Variants in AKR1C1 observed in about 807,000 individuals in gnomAD.
AKR1C1 encodes the protein aldo-keto reductase family 1 member C1.
Under a neutral mutation model 40.6 loss-of-function variants are expected in AKR1C1, and 32 were observed. The observed-to-expected ratio is 0.79, with a 90% confidence interval of 0.60 to 1.06. The LOEUF (loss-of-function observed/expected upper bound fraction) is 1.06, where lower values mean the gene tolerates loss of function less well. Among genes scored for constraint, AKR1C1 ranks in the 50% least tolerant of loss-of-function variants. AKR1C1 has a pLI of 0.00. For synonymous variants in AKR1C1, 105 were observed against 134.2 expected (o/e 0.78, Z 1.50); for missense variants, 320 against 363.5 (o/e 0.88, Z 0.97).
intron 8 of AKR1C1, among the ~76,000 whole-genome samples, chr10:4,977,337 C>T (rs1836542147): frequency 6.6e-6 from 1 of 152,122 alleles, no homozygotes; most frequent in Non-Finnish European, 1.5e-5. Context: ...GAGCATATGT[C>T]TTGCTTATTC....
Position 4,966,978 on chromosome 10 carries a change from T to A in AKR1C1, c.304T>A (p.Ser102Thr), listed in dbSNP as rs531014284. ...PELVRPALERSLKNLQLDYVD... is the reference protein window; with the variant it reads ...PELVRPALERTLKNLQLDYVD... ...GTTGGTCCGACCAGCCTTGGAAAGGTCACTGAAAAATCTTCAATTGGATTA... is the reference window on the plus strand; with the variant it reads ...GTTGGTCCGACCAGCCTTGGAAAGGACACTGAAAAATCTTCAATTGGATTA... The change falls in exon 3 of 9, where the codon TCA becomes ACA. Residue 102 changes from serine to threonine, a missense_variant. Physicochemically the swap from Ser to Thr is moderately conservative, Grantham distance 58. Coordinates refer to ENST00000380872, the MANE Select transcript of AKR1C1 (RefSeq NM_001353.6). 3 of 1,613,920 alleles carry A rather than the reference T, an allele frequency of 1.9e-6. No homozygotes were observed. The highest frequency in any genetic ancestry group is 2.2e-5 in the South Asian group (2 of 91,072).
At chr10:4,973,669 A>T (rs1836475637) in intron 7 of AKR1C1, among the ~76,000 whole-genome samples, 2 of 152,190 alleles carry the variant, frequency 1.3e-5, no homozygotes, top group Non-Finnish European at 2.9e-5. Context: ...GGAGCTGGAA[A>T]TTCATATAAC....
intron 7 of AKR1C1, among the ~76,000 whole-genome samples, chr10:4,974,130 A>G (rs2131646924): frequency 6.6e-6 from 1 of 151,820 alleles, no homozygotes; most frequent in South Asian, 2.1e-4. Context: ...TATTATTTTA[A>G]AAATATTTTT....
rs1310287798 is a variant in AKR1C1, at chr10:4,979,520, G to C, written c.*1778G>C. The C allele has an allele frequency of 6.6e-6, 1 of 152,088 alleles. No homozygotes were observed. Among genetic ancestry groups the C allele is most frequent in the Non-Finnish European group, 1.5e-5 (1 of 68,040 alleles). 9.4% of individuals were successfully genotyped at this position (152,088 alleles called of 1,614,324 possible). ...CATCTCATAAACTTGACTGATGTAA[G>C]TGTCAAGAAAAGATTGACATTTTGT... is the stretch of plus-strand genomic sequence containing the variant. On this transcript the variant is annotated 3_prime_UTR_variant, in exon 9 of 9. Transcript: ENST00000380872.
rs376821326 is a variant in AKR1C1, at chr10:4,972,232, A to C, written c.602A>C (p.Lys201Thr). Residue 201 changes from lysine (K) to threonine (T), a missense_variant, in exon 6 of 9, where the codon AAA becomes ACA. By Grantham distance (78) the Lys-to-Thr change is moderately conservative. This residue lies in a region of AKR1C1 where 77 missense variants were observed against 125.3 expected (regional missense o/e 0.61). Coordinates refer to ENST00000380872, the MANE Select transcript of AKR1C1 (RefSeq NM_001353.6). ...TGTCATCCTTACTTCAACCAGAGAA[A>C]ACTGCTGGATTTCTGCAAGTCAAAA... Reference protein sequence around the residue: ...VECHPYFNQRKLLDFCKSKDI... With the variant: ...VECHPYFNQRTLLDFCKSKDI... 27 of 1,613,694 alleles carry C rather than the reference A, an allele frequency of 1.7e-5. 1 individual carries two copies. The African/African-American group carries it at 3.5e-4, about 21-fold the overall frequency.
In AKR1C1 at chr10:4,972,737, A is replaced by G. The variant is rs1387403284; in HGVS notation, c.834A>G (p.Arg278=). The G allele has an allele frequency of 3.7e-6, 6 of 1,612,100 alleles. No homozygotes were observed. The highest frequency in any genetic ancestry group is 5.1e-6 in the Non-Finnish European group (6 of 1,179,952). The change falls in exon 7 of 9, where the codon AGA becomes AGG. Residue 278 remains arginine, a synonymous_variant. Transcript: ENST00000380872. ...LAKSYNEQRI[R]QNVQVFEFQL... is the part of the protein sequence containing the mutation. The stretch of plus-strand genomic sequence containing the variant: ...AGAGCTACAATGAGCAGCGCATCAG[A>G]CAGAACGTGCAGGTGAGGAGCGGGG...
rs1836646298 is a variant in AKR1C1 at position 4,983,137 on chromosome 10, A to G, written c.*5395A>G. On this transcript the variant is annotated 3_prime_UTR_variant, in exon 9 of 9. Coordinates refer to ENST00000380872, the MANE Select transcript of AKR1C1 (RefSeq NM_001353.6). ...ATGGAGGCACCCAGACAGATGCCCC[A>G]TGGACATCCTGAAGCAGAGCTGCCT... 4 of 266,424 alleles carry G rather than the reference A, an allele frequency of 1.5e-5. No individual in the cohort carries two copies. Among genetic ancestry groups the G allele is most frequent in the South Asian group, 1.4e-4 (4 of 27,650 alleles). The allele number at this position is 266,424 out of a possible 1,614,324, so 16.5% of individuals were successfully genotyped here.
chr10:4,967,890 G>C (rs1044367351), intron 3 of AKR1C1: 1 of 188,724 alleles, frequency 5.3e-6, no homozygotes, highest in Non-Finnish European at 1.1e-5. Context: ...TTGGTTCATG[G>C]TCCTGTGCAT....
rs749275943 is a variant in AKR1C1 at position 4,966,085 on chromosome 10, C to T, written c.252+4C>T. On this transcript the variant is annotated splice_donor_region_variant and intron_variant, in intron 2 of 8. Transcript: ENST00000380872. ...AGACATATTCTACACTTCAAAGGTA[C>T]TGTGCCTATGATGAGCTTGTGTGCA... is the stretch of plus-strand genomic sequence containing the variant. 21 of 1,610,858 alleles carry T rather than the reference C, an allele frequency of 1.3e-5. No individual in the cohort carries two copies. The highest frequency in any genetic ancestry group is 1.6e-5 in the Non-Finnish European group (19 of 1,178,492).
chr10:4,977,615 C>T (rs1282919242), intron 8 of AKR1C1, 85 bp from the exon 9 acceptor site: 37 of 1,542,528 alleles, frequency 2.4e-5, no homozygotes, highest in Middle Eastern at 1.7e-4. Flanking sequence ...TCTACACTAG[C>T]GGCAGCTTCC....
rs1377683267 is a variant in AKR1C1, at chr10:4,978,707, C to T, written c.*965C>T. 7 of 152,040 alleles carry T rather than the reference C, an allele frequency of 4.6e-5. No homozygotes were observed. Among genetic ancestry groups the T allele is most frequent in the Non-Finnish European group, 8.8e-5 (6 of 67,984 alleles). 9.4% of individuals were successfully genotyped at this position (152,040 alleles called of 1,614,324 possible). ...AGTTACAAATATAAAACAAAAATAT[C>T]CCAAAGCCATTATGCATGGCACTCA... is the stretch of plus-strand genomic sequence containing the variant. On this transcript the variant is annotated 3_prime_UTR_variant, in exon 9 of 9. Coordinates refer to ENST00000380872, the MANE Select transcript of AKR1C1 (RefSeq NM_001353.6).
intron 8 of AKR1C1, among the ~76,000 whole-genome samples, chr10:4,976,745 G>A (rs1373298880): frequency 3.3e-5 from 5 of 152,154 alleles, no homozygotes; most frequent in African/African-American, 9.7e-5. Context: ...GTAACTGCTG[G>A]CAGTAGGGAT....
intron 3 of AKR1C1, 158 bp downstream of exon 3, chr10:4,967,201 C>T: frequency 2.0e-6 from 2 of 977,232 alleles, no homozygotes; most frequent in Non-Finnish European, 1.5e-6. Flanking sequence ...CTATGGGATA[C>T]ATTTTGAATC....
chr10:4,969,664 T>G (rs769381653), intron 5 of AKR1C1: 1 of 1,610,142 alleles, frequency 6.2e-7, no homozygotes, highest in Non-Finnish European at 8.5e-7. Flanking sequence ...CTCTATGTGT[T>G]CCTTTTGTAG....
Position 4,979,055 on chromosome 10 carries a change from G to T in AKR1C1, c.*1313G>T, listed in dbSNP as rs1448953478. 6.6e-6 allele frequency: 1 copy of T among 152,112 alleles called. No homozygotes were observed. Among genetic ancestry groups the T allele is most frequent in the African/African-American group, 2.4e-5 (1 of 41,416 alleles). The allele number at this position is 152,112 out of a possible 1,614,324, so 9.4% of individuals were successfully genotyped here. A position where few individuals can be genotyped will look rare whatever the true frequency, so the allele number is the denominator to read the frequency against. On this transcript the variant is annotated 3_prime_UTR_variant, in exon 9 of 9. Coordinates refer to ENST00000380872, the MANE Select transcript of AKR1C1 (RefSeq NM_001353.6). Reference sequence around the variant, plus strand: ...CTAACACATTTACTCTCCACTATTCGTACTCTGGTAGCCATGTTAACCCCA... The same window carrying T: ...CTAACACATTTACTCTCCACTATTCTTACTCTGGTAGCCATGTTAACCCCA...
intron 7 of AKR1C1, among the ~76,000 whole-genome samples, chr10:4,973,526 C>T (rs1299472714): frequency 3.9e-4 from 59 of 152,186 alleles, no homozygotes; most frequent in African/African-American, 1.1e-3. Flanking sequence ...AGTGAGTGGA[C>T]ATGTGCAAAG....
chr10:4,977,674 G>C, intron 8 of AKR1C1, 26 bp from the exon 9 acceptor site: 1 of 1,612,396 alleles, frequency 6.2e-7, no homozygotes, highest in South Asian at 1.1e-5. Flanking sequence ...GCCATTCAGA[G>C]TGTGCATTTT....
At chr10:4,969,919 T>C in intron 5 of AKR1C1, 1 of 506,486 alleles carries the variant, frequency 2.0e-6, no homozygotes, top group Non-Finnish European at 3.4e-6. Context: ...GCTGTGATAA[T>C]TTAATAAAAG....
In AKR1C1 at chr10:4,965,926, A is replaced by G. The variant is rs1177376359; in HGVS notation, c.97A>G (p.Lys33Glu). The change falls in exon 2 of 9, where the codon AAA becomes GAA. Residue 33 changes from lysine (K) to glutamate (E), a missense_variant. Physicochemically the swap from Lys to Glu is moderately conservative, Grantham distance 56. Coordinates refer to ENST00000380872, the MANE Select transcript of AKR1C1 (RefSeq NM_001353.6). ...GTTACTCCCCCAGGTTCCTAAAAGTAAAGCTTTAGAGGCCACCAAATTGGC... is the reference window on the plus strand; with the variant it reads ...GTTACTCCCCCAGGTTCCTAAAAGTGAAGCTTTAGAGGCCACCAAATTGGC... ...TYAPAEVPKS[K>E]ALEATKLAIE... 4 of 1,613,370 alleles carry G rather than the reference A, an allele frequency of 2.5e-6. No homozygotes were observed. The Admixed American group carries it at 5.0e-5, about 20-fold the overall frequency.
Sources: allele counts gnomAD v4.1 joint callset (sites outside exome capture counted in the v4.1 genomes callset), GRCh38; gene constraint gnomAD v4.1.1; regional missense constraint gnomAD v4.1.1; transcripts MANE v1.5; gene names NCBI Gene and HGNC (gene_info 2026-07-23, HGNC 2026-07-21).